Variants in GALNT17 observed in about 807,000 individuals in gnomAD.
GALNT17 encodes UDP-GalNAc:polypeptide N-acetylgalactosaminyltransferase-like 3.
GALNT17 carries 29 observed loss-of-function variants against 63.7 expected under a neutral mutation model. The ratio of observed to expected loss-of-function variants is 0.46; its 90% CI spans 0.34 to 0.62. GALNT17 has a LOEUF of 0.62. Ranked by LOEUF, GALNT17 falls within the 20% of genes least tolerant of loss-of-function variation. GALNT17 has a pLI of 0.01. For synonymous variants in GALNT17, 305 were observed against 318.3 expected (o/e 0.96, Z 0.45); for missense variants, 603 against 799.6 (o/e 0.75, Z 2.97).
At chr7:71,328,529 C>T (rs1346161214) in intron 1 of GALNT17, among the ~76,000 whole-genome samples, 2 of 152,174 alleles carry the variant, frequency 1.3e-5, no homozygotes, top group South Asian at 2.1e-4. Flanking sequence ...CTTGCTCCAA[C>T]GGCAACCTTT....
intron 1 of GALNT17, among the ~76,000 whole-genome samples, chr7:71,180,250 G>A (rs6460643): frequency 1.1e-4 from 16 of 151,690 alleles, no homozygotes; most frequent in Non-Finnish European, 1.9e-4. Context: ...CTCAGCCTCC[G>A]TAGTAGCTGG....
intron 5 of GALNT17, among the ~76,000 whole-genome samples, chr7:71,477,618 G>T (rs1267373738): frequency 6.6e-6 from 1 of 152,144 alleles, no homozygotes; most frequent in Admixed American, 6.5e-5. Context: ...GAGCCCAGAC[G>T]TTCGAGGCTG....
chr7:71,709,107 C>G (rs183912439), intron 9 of GALNT17, among the ~76,000 whole-genome samples: 5 of 152,254 alleles, frequency 3.3e-5, no homozygotes, highest in Admixed American at 3.3e-4. Context: ...AACAGTAGTT[C>G]TACTTTTAGT....
chr7:71,159,987 G>C (rs1317522741), intron 1 of GALNT17, among the ~76,000 whole-genome samples: 2 of 152,040 alleles, frequency 1.3e-5, no homozygotes, highest in Non-Finnish European at 2.9e-5. Context: ...TCTTCATCAT[G>C]TTGGCCAGGC....
In GALNT17 at chr7:71,429,236, G is replaced by C. The variant is rs1786816707; in HGVS notation, c.962+8131G>C. ...AAAGTCTGAAGGCAGAAAGGAAGGG[G>C]TGGGGACTGATTGGGAAAGAAAGAC... On this transcript the variant is annotated intron_variant, in intron 5 of 10. Transcript: ENST00000333538. Among the ~76,000 whole-genome samples, 6 of 152,312 alleles carry C rather than the reference G, an allele frequency of 3.9e-5. No homozygotes were observed. In the South Asian group the frequency reaches 1.2e-3, roughly 32 times the overall value.
At chr7:71,300,210 A>T (rs1791169147) in intron 1 of GALNT17, 1 of 282,830 alleles carries the variant, frequency 3.5e-6, no homozygotes, top group Non-Finnish European at 7.1e-6. Context: ...AATTGCTTTG[A>T]TGACACCCTT....
At chr7:71,221,908 ATTTTT>A (rs370780821) in intron 1 of GALNT17, among the ~76,000 whole-genome samples, 1,830 of 114,690 alleles carry the variant, frequency 0.016, 30 homozygotes, top group African/African-American at 0.048. Flanking sequence ...CCTTATTTAG[ATTTTT>A]TTTTTTTTTT....
At chr7:71,556,873 C>T (rs1789172973) in intron 5 of GALNT17, among the ~76,000 whole-genome samples, 1 of 151,966 alleles carries the variant, frequency 6.6e-6, no homozygotes, top group Non-Finnish European at 1.5e-5. Context: ...GCCCCCTTGA[C>T]ATAATCTTAT....
At chr7:71,422,212 A>G (rs1158193509) in intron 5 of GALNT17, among the ~76,000 whole-genome samples, 1 of 152,034 alleles carries the variant, frequency 6.6e-6, no homozygotes, top group African/African-American at 2.4e-5. Flanking sequence ...TGCCTTTTCC[A>G]GCTTCCAGAA....
chr7:71,542,901 C>T (rs759151922), intron 5 of GALNT17, among the ~76,000 whole-genome samples: 1 of 151,984 alleles, frequency 6.6e-6, no homozygotes, highest in Non-Finnish European at 1.5e-5. Context: ...TAAGATCCCA[C>T]CTGGCAGATG....
chr7:71,135,947 T>G (rs937389151), intron 1 of GALNT17, among the ~76,000 whole-genome samples: 2 of 152,194 alleles, frequency 1.3e-5, no homozygotes, highest in African/African-American at 4.8e-5. Context: ...GAGCTTTTCC[T>G]GGGCAAGCTA....
At chr7:71,475,740 C>T (rs576342298) in intron 5 of GALNT17, among the ~76,000 whole-genome samples, 6 of 152,200 alleles carry the variant, frequency 3.9e-5, no homozygotes, top group South Asian at 4.2e-4. Context: ...CCTACAAAGT[C>T]GCAAAGAGCT....
chr7:71,169,013 T>C (rs921640163), intron 1 of GALNT17, among the ~76,000 whole-genome samples: 4 of 152,124 alleles, frequency 2.6e-5, no homozygotes, highest in Admixed American at 2.6e-4. Flanking sequence ...CCAGGCACTG[T>C]CACCTCTAAT....
intron 1 of GALNT17, among the ~76,000 whole-genome samples, chr7:71,224,290 C>T (rs375798049): frequency 1.3e-5 from 2 of 152,166 alleles, no homozygotes; most frequent in East Asian, 1.9e-4. Context: ...AGGGATCCTT[C>T]GCCTTGTCCT....
chr7:71,627,630 G>A (rs1214528356), intron 6 of GALNT17, among the ~76,000 whole-genome samples: 1 of 152,200 alleles, frequency 6.6e-6, no homozygotes, highest in African/African-American at 2.4e-5. Flanking sequence ...CTGTCCGGTA[G>A]ACAATAGATA....
chr7:71,616,693 T>A (rs1380452681), intron 6 of GALNT17, among the ~76,000 whole-genome samples: 3 of 52,694 alleles, frequency 5.7e-5, no homozygotes, highest in African/African-American at 1.4e-4. Flanking sequence ...TTATAATATA[T>A]AATATATTGT....
chr7:71,366,314 G>C (rs1038439622), intron 2 of GALNT17, among the ~76,000 whole-genome samples: 7 of 152,046 alleles, frequency 4.6e-5, no homozygotes, highest in Admixed American at 6.6e-5. Context: ...GGCTGGGCAC[G>C]GTGGCTCACA....
At chr7:71,315,282 C>T (rs574698713) in intron 1 of GALNT17, among the ~76,000 whole-genome samples, 7 of 152,244 alleles carry the variant, frequency 4.6e-5, no homozygotes, top group East Asian at 1.9e-4. Flanking sequence ...AGCTGATGGA[C>T]GTGTGGGTTG....
intron 1 of GALNT17, among the ~76,000 whole-genome samples, chr7:71,224,269 C>G (rs1789641429): frequency 6.6e-6 from 1 of 152,058 alleles, no homozygotes; most frequent in Non-Finnish European, 1.5e-5. Context: ...GGTCTCAAAC[C>G]TCTGACCTCA....
Sources: gnomAD v4.1 joint callset for allele counts (sites outside exome capture counted in the v4.1 genomes callset) on GRCh38, gnomAD v4.1.1 for gene constraint, MANE v1.5 for transcripts, NCBI Gene and HGNC (gene_info 2026-07-23, HGNC 2026-07-21) for gene names.